Variants in NDRG3 observed in about 807,000 individuals in gnomAD.
NDRG3 encodes NDRG family member 3, also known as protein NDRG3.
In NDRG3, 23 loss-of-function variants were observed where a neutral mutation model predicts 57.2. That is an observed-to-expected ratio of 0.40 (90% CI 0.29 to 0.57). The LOEUF (loss-of-function observed/expected upper bound fraction) is 0.57. NDRG3 is among the 20% of genes least tolerant of loss of function. NDRG3 has a pLI of 0.42. For missense variants in NDRG3, 384 were observed against 457.3 expected, an observed-to-expected ratio of 0.84 and a Z score of 1.46; for synonymous variants, 132 against 162.6, an observed-to-expected ratio of 0.81 and a Z score of 1.43.
At chr20:36,681,778 A>G (rs1399868029) in intron 7 of NDRG3, among the ~76,000 whole-genome samples, 2 of 151,482 alleles carry the variant, frequency 1.3e-5, no homozygotes, top group East Asian at 1.9e-4. Flanking sequence ...GCTCACTACA[A>G]TCTCGGCCTC....
chr20:36,693,264 A>G (rs979503854), intron 3 of NDRG3, among the ~76,000 whole-genome samples: 3 of 147,074 alleles, frequency 2.0e-5, no homozygotes, highest in African/African-American at 7.5e-5. Context: ...TAAATAAACT[A>G]TCAAACATGG....
chr20:36,662,230 CTTT>C (rs749800383), intron 12 of NDRG3, among the ~76,000 whole-genome samples: 6 of 139,184 alleles, frequency 4.3e-5, no homozygotes, highest in Non-Finnish European at 4.7e-5. Flanking sequence ...TTTTCTTTTT[CTTT>C]TTTTTTTTTT....
At chr20:36,734,472 A>G (rs1359705217) in intron 1 of NDRG3, among the ~76,000 whole-genome samples, 1 of 152,208 alleles carries the variant, frequency 6.6e-6, no homozygotes, top group Non-Finnish European at 1.5e-5. Context: ...AGGCTCTAGG[A>G]TTAAGCCCTG....
In NDRG3 at chr20:36,744,977, G is replaced by C. The variant is rs7275019; in HGVS notation, c.-49+1068C>G. On this transcript the variant is annotated intron_variant, in intron 1 of 15. Transcript: ENST00000349004. ...CTGAGGGCCAGGGTAAGGGGGGGGGGGGGCGCGGCGGGGGTGATCTGGATG... is the reference window on the plus strand; with the variant it reads ...CTGAGGGCCAGGGTAAGGGGGGGGGCGGGCGCGGCGGGGGTGATCTGGATG... 9.2e-3 allele frequency among the ~76,000 whole-genome samples: 1,393 copies of C among 151,132 alleles called. 75 individuals carry two copies. The highest frequency in any genetic ancestry group is 0.032 in the African/African-American group (1,314 of 40,974).
intron 3 of NDRG3, among the ~76,000 whole-genome samples, chr20:36,706,484 C>T (rs1006910384): frequency 2.6e-5 from 4 of 151,986 alleles, no homozygotes; most frequent in Admixed American, 6.6e-5. Flanking sequence ...TTTCTGAACA[C>T]GATAGCAAAT....
In NDRG3 at chr20:36,652,425, ACT is replaced by A. The variant is rs1236177894; in HGVS notation, c.*1093_*1094del. The A allele has an allele frequency of 6.6e-6, 1 of 151,078 alleles. No homozygotes were observed. The highest frequency in any genetic ancestry group is 1.5e-5 in the Non-Finnish European group (1 of 67,880). The allele number at this position is 151,078 out of a possible 1,614,324, so 9.4% of individuals were successfully genotyped here. On this transcript the variant is annotated 3_prime_UTR_variant, in exon 16 of 16. Transcript: ENST00000349004. Reference sequence around the variant, plus strand: ...GACTCTGTCTCAAAAAAAAAAAAAGACTCTGAGAAATGGGTTCTGTATCAATT... The same window carrying A: ...GACTCTGTCTCAAAAAAAAAAAAAGACTGAGAAATGGGTTCTGTATCAATT...
chr20:36,671,801 C>CA (rs1182073175), intron 8 of NDRG3, among the ~76,000 whole-genome samples: 4,725 of 56,544 alleles, frequency 0.084, 125 homozygotes, highest in African/African-American at 0.16. Context: ...GACTCCGTCT[C>CA]AAAAAAAAAA....
At chr20:36,730,089 A>G (rs1985182593) in intron 1 of NDRG3, among the ~76,000 whole-genome samples, 1 of 151,526 alleles carries the variant, frequency 6.6e-6, no homozygotes, top group African/African-American at 2.4e-5. Context: ...TCTACCAAAA[A>G]TACAAAAATT....
chr20:36,660,552 A>AT (rs1568622440), intron 12 of NDRG3, among the ~76,000 whole-genome samples, 168 bp from the exon 13 acceptor site: 2 of 150,156 alleles, frequency 1.3e-5, no homozygotes, highest in African/African-American at 2.5e-5. Flanking sequence ...TTATTTATTT[A>AT]TTTATTTATT....
intron 1 of NDRG3, among the ~76,000 whole-genome samples, chr20:36,725,926 CT>C (rs35120120): frequency 0.23 from 28,695 of 123,554 alleles, 3,022 homozygotes; most frequent in East Asian, 0.42. Flanking sequence ...CCTAGTGTTC[CT>C]TTTTTTTTTT....
intron 10 of NDRG3, among the ~76,000 whole-genome samples, chr20:36,665,959 A>T (rs1979596402): frequency 6.6e-6 from 1 of 151,962 alleles, no homozygotes. Flanking sequence ...AGGAGGGGGG[A>T]GGGGTGTTTT....
intron 1 of NDRG3, among the ~76,000 whole-genome samples, chr20:36,727,406 G>T (rs1985005074): frequency 6.6e-6 from 1 of 151,664 alleles, no homozygotes; most frequent in Non-Finnish European, 1.5e-5. Flanking sequence ...TTTTAGTAGA[G>T]ACGGGGTTTC....
intron 3 of NDRG3, among the ~76,000 whole-genome samples, chr20:36,693,119 T>C (rs1568647026): frequency 1.9e-5 from 1 of 53,202 alleles, no homozygotes; most frequent in South Asian, 6.6e-4. Context: ...TATATATATA[T>C]ATATATATAT....
chr20:36,697,439 G>A (rs2148147786), intron 3 of NDRG3, among the ~76,000 whole-genome samples: 1 of 152,246 alleles, frequency 6.6e-6, no homozygotes, highest in South Asian at 2.1e-4. Flanking sequence ...GGGCGCAGTG[G>A]CTCACACCTG....
chr20:36,681,308 C>G (rs557977749), intron 7 of NDRG3, among the ~76,000 whole-genome samples: 1 of 151,972 alleles, frequency 6.6e-6, no homozygotes, highest in Non-Finnish European at 1.5e-5. Flanking sequence ...TCAGAAGACT[C>G]TCCTATCACT....
chr20:36,700,386 T>C, intron 3 of NDRG3: 1 of 494,500 alleles, frequency 2.0e-6, no homozygotes, highest in South Asian at 1.6e-5. Context: ...AGTATGTGAA[T>C]GTAAATATGC....
intron 15 of NDRG3, chr20:36,654,763 A>G: frequency 1.3e-6 from 1 of 779,590 alleles, no homozygotes; most frequent in South Asian, 1.3e-5. Flanking sequence ...GCCAGGAGAG[A>G]CTGGAAGGCG....
intron 3 of NDRG3, among the ~76,000 whole-genome samples, chr20:36,693,506 G>A (rs766360992): frequency 4.6e-5 from 7 of 151,546 alleles, no homozygotes; most frequent in Non-Finnish European, 1.0e-4. Flanking sequence ...CCAACACCTG[G>A]GCCACAGACT....
chr20:36,745,851 C>A (rs1303459555), intron 1 of NDRG3, among the ~76,000 whole-genome samples, 194 bp downstream of exon 1: 1 of 120,242 alleles, frequency 8.3e-6, no homozygotes, highest in South Asian at 3.0e-4. Context: ...CGAGGAAAGC[C>A]GGGCTGACCT....
Sources: allele counts gnomAD v4.1 joint callset (sites outside exome capture counted in the v4.1 genomes callset), GRCh38; gene constraint gnomAD v4.1.1; transcripts MANE v1.5; gene names NCBI Gene and HGNC (gene_info 2026-07-23, HGNC 2026-07-21).